Variants in CCDC82 observed in about 807,000 individuals in gnomAD.
CCDC82 encodes the protein coiled-coil domain containing 82, also known as coiled-coil domain-containing protein 82.
Under a neutral mutation model 60.6 loss-of-function variants are expected in CCDC82, and 47 were observed. The observed-to-expected ratio is 0.77, with a 90% CI of 0.61 to 0.99. The LOEUF (loss-of-function observed/expected upper bound fraction) is 0.99, where lower values mean the gene tolerates loss of function less well. Among genes scored for constraint, CCDC82 ranks in the 50% least tolerant of loss-of-function variants. The pLI is 0.00. For synonymous variants in CCDC82, 212 were observed against 207.4 expected (o/e 1.02, Z -0.19); for missense variants, 588 against 633.0 (o/e 0.93, Z 0.76).
intron 8 of CCDC82, among the ~76,000 whole-genome samples, chr11:96,360,335 G>A (rs535036006): frequency 7.3e-4 from 111 of 151,150 alleles, no homozygotes; most frequent in African/African-American, 2.7e-3. Context: ...TGGGATTACA[G>A]GTGCCTGTCA....
chr11:96,358,337 C>A (rs1420941114), intron 9 of CCDC82: 2 of 1,209,232 alleles, frequency 1.7e-6, no homozygotes, highest in African/African-American at 3.1e-5. Flanking sequence ...TGTGAGCAGA[C>A]CAGAGCTTGT....
intron 5 of CCDC82, among the ~76,000 whole-genome samples, chr11:96,375,894 G>A (rs927895082): frequency 2.0e-5 from 3 of 152,128 alleles, no homozygotes; most frequent in South Asian, 2.1e-4. Context: ...ATAACTAGAC[G>A]GAGGCAAAAT....
intron 5 of CCDC82, among the ~76,000 whole-genome samples, chr11:96,377,866 C>T (rs1200181248): frequency 1.3e-5 from 2 of 151,890 alleles, no homozygotes; most frequent in East Asian, 1.9e-4. Context: ...AAATGTGTTA[C>T]GCATTATGAA....
At chr11:96,378,431 T>C (rs1188881231) in intron 5 of CCDC82, among the ~76,000 whole-genome samples, 2 of 152,074 alleles carry the variant, frequency 1.3e-5, no homozygotes, top group African/African-American at 4.8e-5. Context: ...ACTTTTTACT[T>C]ATCCTAGAAC....
At chr11:96,355,260 A>G (rs1864285938) in intron 9 of CCDC82, 1 of 152,130 alleles carries the variant, frequency 6.6e-6, no homozygotes, top group Non-Finnish European at 1.5e-5. Context: ...GGGTCTCACT[A>G]TCTTGCTCAG....
intron 7 of CCDC82, among the ~76,000 whole-genome samples, chr11:96,367,311 CAGAAT>C (rs1865000223): frequency 6.6e-6 from 1 of 152,212 alleles, no homozygotes; most frequent in Non-Finnish European, 1.5e-5. Flanking sequence ...GTATGTTATA[CAGAAT>C]AGAACTTATT....
intron 7 of CCDC82, 41 bp downstream of exon 7, chr11:96,370,972 C>T (rs780426490): frequency 2.8e-6 from 4 of 1,450,154 alleles, no homozygotes; most frequent in Admixed American, 5.0e-5. Flanking sequence ...AGGTTTGCTG[C>T]CCCCAACCCC....
chr11:96,373,356 A>G lies in CCDC82; in HGVS notation c.1084+19T>C. On this transcript the variant is annotated intron_variant, in intron 6 of 9. Transcript: ENST00000646818. The stretch of plus-strand genomic sequence containing the variant: ...AAAAGAAATAAAAACCAATTGTTTC[A>G]TTCATAGTATTAACTTACCATATAA... 1.4e-6 allele frequency: 2 copies of G among 1,435,372 alleles called. No homozygotes were observed. The highest frequency in any genetic ancestry group is 4.6e-5 in the East Asian group (2 of 43,924). The allele number at this position is 1,435,372 out of a possible 1,614,324, so 88.9% of individuals were successfully genotyped here.
chr11:96,361,449 A>T (rs2136082202), intron 8 of CCDC82, among the ~76,000 whole-genome samples: 1 of 152,290 alleles, frequency 6.6e-6, no homozygotes, highest in Admixed American at 6.5e-5. Flanking sequence ...TCTACTTATC[A>T]TCATATAGAT....
intron 1 of CCDC82, chr11:96,388,540 C>T (rs1477582839): frequency 6.6e-6 from 1 of 152,152 alleles, no homozygotes; most frequent in African/African-American, 2.4e-5. Flanking sequence ...AGACAATAAT[C>T]CATATTGCTT....
intron 6 of CCDC82, among the ~76,000 whole-genome samples, chr11:96,371,748 C>T (rs1865287328): frequency 1.3e-5 from 2 of 152,148 alleles, no homozygotes; most frequent in South Asian, 2.1e-4. Context: ...CTTTCAAGGC[C>T]GTCTACAATT....
intron 4 of CCDC82, 29 bp downstream of exon 4, chr11:96,383,932 CA>C: frequency 6.5e-7 from 1 of 1,549,534 alleles, no homozygotes; most frequent in Admixed American, 2.1e-5. Flanking sequence ...AACTGAAAAA[CA>C]ATAACAAATC....
At chr11:96,374,991 A>G (rs912002022) in intron 5 of CCDC82, among the ~76,000 whole-genome samples, 28 of 151,250 alleles carry the variant, frequency 1.9e-4, no homozygotes, top group Non-Finnish European at 3.5e-4. Context: ...AAAGAAAAAA[A>G]AAAGAAATAA....
At chr11:96,371,813 CTT>C (rs914723776) in intron 6 of CCDC82, among the ~76,000 whole-genome samples, 5 of 152,198 alleles carry the variant, frequency 3.3e-5, no homozygotes, top group Non-Finnish European at 7.3e-5. Flanking sequence ...TCAGAATACT[CTT>C]TTCTAGCTAG....
chr11:96,360,013 CCTTT>C (rs1418576015), intron 8 of CCDC82, among the ~76,000 whole-genome samples: 6 of 150,874 alleles, frequency 4.0e-5, no homozygotes, highest in Non-Finnish European at 8.9e-5. Context: ...ATAACCAGAA[CCTTT>C]CTCTTTCAGA....
At chr11:96,366,197 C>T (rs1864936878) in intron 7 of CCDC82, among the ~76,000 whole-genome samples, 1 of 152,162 alleles carries the variant, frequency 6.6e-6, no homozygotes, top group Admixed American at 6.5e-5. Context: ...CTACAGTCAG[C>T]AGAGCACCCC....
chr11:96,362,794 T>C (rs892225450), intron 8 of CCDC82, among the ~76,000 whole-genome samples: 2 of 152,176 alleles, frequency 1.3e-5, no homozygotes, highest in East Asian at 3.8e-4. Flanking sequence ...AGTTTTCTTA[T>C]GAAACAAATT....
At chr11:96,356,961 A>G in intron 9 of CCDC82, 1 of 985,530 alleles carries the variant, frequency 1.0e-6, no homozygotes. Context: ...AGGGGTTGAC[A>G]TAAATGGGAA....
At chr11:96,368,054 C>G (rs761792527) in intron 7 of CCDC82, among the ~76,000 whole-genome samples, 1 of 152,068 alleles carries the variant, frequency 6.6e-6, no homozygotes, top group Non-Finnish European at 1.5e-5. Flanking sequence ...CTCCTGACCT[C>G]AGGTGATCCA....
Sources: gnomAD v4.1 joint callset for allele counts (sites outside exome capture counted in the v4.1 genomes callset) on GRCh38, gnomAD v4.1.1 for gene constraint, MANE v1.5 for transcripts, NCBI Gene and HGNC (gene_info 2026-07-23, HGNC 2026-07-21) for gene names.